The following RUVBL2 variants were observed in gnomAD, a reference collection of about 807,000 sequenced individuals.
RUVBL2 encodes the protein RuvB like AAA ATPase 2, also known as ruvB-like 2.
In RUVBL2, 9 loss-of-function variants were observed where a neutral mutation model predicts 57.9. The observed-to-expected ratio is 0.16, with a 90% CI of 0.09 to 0.27. The LOEUF (loss-of-function observed/expected upper bound fraction) is 0.27, where lower values mean the gene tolerates loss of function less well. Ranked by LOEUF, RUVBL2 falls within the 10% of genes least tolerant of loss-of-function variation. The pLI, the probability that RUVBL2 is intolerant of heterozygous loss-of-function variation, is 1.00. For missense variants in RUVBL2, 456 were observed against 669.6 expected, an observed-to-expected ratio of 0.68 and a Z score of 3.52; for synonymous variants, 278 against 264.6, an observed-to-expected ratio of 1.05 and a Z score of -0.49.
Position 49,010,577 on chromosome 19 carries a change from C to T in RUVBL2, c.753C>T (p.Asn251=). ...CCCTGCACGAGATCGACGTCATCAA[C>T]TCTCGCACCCAGGGCTTCCTGGCGC... The part of the protein sequence containing the change: ...TVSLHEIDVI[N]SRTQGFLALF... Residue 251 remains asparagine, a synonymous_variant, in exon 9 of 15, where the codon AAC becomes AAT. Transcript: ENST00000595090. 6.3e-7 allele frequency: 1 copy of T among 1,586,784 alleles called. No homozygotes were observed. The highest frequency in any genetic ancestry group is 1.1e-5 in the South Asian group (1 of 90,748).
At chr19:49,012,563 T>C (rs533148570) in intron 11 of RUVBL2, among the ~76,000 whole-genome samples, 159 of 152,308 alleles carry the variant, frequency 1.0e-3, no homozygotes, top group Non-Finnish European at 1.9e-3. Context: ...AGACTCTGTA[T>C]CTGAGAATCT....
Position 49,009,765 on chromosome 19 carries a change from C to T in RUVBL2, c.463-11C>T, listed in dbSNP as rs78163914. 0.079 allele frequency: 127,439 copies of T among 1,612,386 alleles called. 5,617 individuals are homozygous for T. Among genetic ancestry groups the T allele is most frequent in the African/African-American group, 0.14 (10,652 of 74,950 alleles). ...CTCTGAGCCCCATCCCTGGCTTGTC[C>T]CCACTCTCAGGGCTCCAAGGTGGGC... is the stretch of plus-strand genomic sequence containing the variant. On this transcript the variant is annotated splice_polypyrimidine_tract_variant and intron_variant, in intron 6 of 14. Transcript: ENST00000595090.
chr19:49,008,012 T>TC (rs2039317860), intron 6 of RUVBL2, among the ~76,000 whole-genome samples: 1 of 148,322 alleles, frequency 6.7e-6, no homozygotes. Flanking sequence ...TGGCCTCTTT[T>TC]TTTTTTTTTT....
Position 49,007,294 on chromosome 19 carries a change from C to G in RUVBL2, c.396-8C>G. 1.2e-6 allele frequency: 2 copies of G among 1,613,548 alleles called. No individual in the cohort carries two copies. Among genetic ancestry groups the G allele is most frequent in the Non-Finnish European group, 8.5e-7 (1 of 1,179,726 alleles). ...CAGGCTGTCTCCTCAGATCTGCTCT[C>G]TGGCTAGGGAGGAGACGGAGATCAT... On this transcript the variant is annotated splice_polypyrimidine_tract_variant and splice_region_variant and intron_variant, in intron 5 of 14. Transcript: ENST00000595090.
Position 49,015,096 on chromosome 19 carries a change from G to C in RUVBL2, c.1197G>C (p.Leu399=). The stretch of plus-strand genomic sequence containing the variant: ...CCCGCATCGGGCTGGAGACGTCACT[G>C]CGCTACGCCATCCAGCTCATCACAG... ...VLTRIGLETS[L]RYAIQLITAA... is the part of the protein sequence containing the mutation. The change falls in exon 13 of 15, where the codon CTG becomes CTC. Residue 399 remains leucine (L), a synonymous_variant. Coordinates refer to ENST00000595090, the MANE Select transcript of RUVBL2 (RefSeq NM_006666.3). 1.2e-6 allele frequency: 2 copies of C among 1,610,040 alleles called. No individual in the cohort carries two copies. Among genetic ancestry groups the C allele is most frequent in the Non-Finnish European group, 1.7e-6 (2 of 1,178,350 alleles).
intron 13 of RUVBL2, 101 bp downstream of exon 13, chr19:49,015,251 T>C: frequency 6.7e-7 from 1 of 1,482,522 alleles, no homozygotes; most frequent in Middle Eastern, 1.9e-4. Context: ...AATGTACGTT[T>C]TCAGACGCAG....
In RUVBL2 at chr19:49,014,712, GGA is replaced by G. The variant is rs2039507421; in HGVS notation, c.1121+115_1121+116del. 30 of 1,446,988 alleles carry G rather than the reference GGA, an allele frequency of 2.1e-5. No homozygotes were observed. The South Asian group carries it at 3.8e-4, about 19-fold the overall frequency. 89.6% of individuals were successfully genotyped at this position (1,446,988 alleles called of 1,614,324 possible). ...GAGTGGCATGGTGGCTGGGCCTACA[GGA>G]GAGAGGGCTGAGCGGGCACCCAGAC... On this transcript the variant is annotated intron_variant, in intron 12 of 14. Coordinates refer to ENST00000595090, the MANE Select transcript of RUVBL2 (RefSeq NM_006666.3).
intron 4 of RUVBL2, among the ~76,000 whole-genome samples, chr19:49,005,970 C>T (rs192193399): frequency 5.9e-5 from 9 of 152,360 alleles, no homozygotes; most frequent in East Asian, 3.9e-4. Context: ...TGCCCGGCCT[C>T]GCCTTTCCTC....
chr19:49,015,402 A>T (rs1167362525), intron 13 of RUVBL2, 170 bp from the exon 14 acceptor site: 1 of 714,034 alleles, frequency 1.4e-6, no homozygotes, highest in Non-Finnish European at 2.3e-6. Context: ...GGCTGGGCCC[A>T]CAACAAGGAG....
At chr19:49,007,472 C>T (rs551400939) in intron 6 of RUVBL2, 104 bp downstream of exon 6, 22 of 1,053,500 alleles carry the variant, frequency 2.1e-5, no homozygotes, top group Middle Eastern at 2.1e-4. Context: ...ATGGAATGTT[C>T]TAGCTGCAGA....
chr19:49,007,651 C>T (rs1042044477), intron 6 of RUVBL2, among the ~76,000 whole-genome samples: 6 of 152,088 alleles, frequency 3.9e-5, no homozygotes, highest in African/African-American at 7.2e-5. Context: ...AAACTCGTTC[C>T]GTGGCCGAAA....
At chr19:49,009,056 G>T (rs988181323) in intron 6 of RUVBL2, among the ~76,000 whole-genome samples, 3 of 148,366 alleles carry the variant, frequency 2.0e-5, no homozygotes, top group African/African-American at 7.5e-5. Flanking sequence ...AGCTACTTGG[G>T]AGGCTGAGGC....
intron 8 of RUVBL2, 21 bp from the exon 9 acceptor site, chr19:49,010,467 T>TCCCGCCC: frequency 1.4e-6 from 2 of 1,401,208 alleles, no homozygotes; most frequent in Non-Finnish European, 2.0e-6. Flanking sequence ...CCGCCGTTCT[T>TCCCGCCC]CCCCCACCCC....
At chr19:49,010,974 C>T in intron 9 of RUVBL2, 25 bp from the exon 10 acceptor site, 1 of 1,600,468 alleles carries the variant, frequency 6.2e-7, no homozygotes, top group Non-Finnish European at 8.5e-7. Context: ...TCTGGCTTCC[C>T]TGATGCAACC....
chr19:48,996,683 G>A (rs956762249), intron 1 of RUVBL2, among the ~76,000 whole-genome samples: 4 of 152,106 alleles, frequency 2.6e-5, no homozygotes, highest in African/African-American at 7.2e-5. Context: ...CTGCCACCAC[G>A]CCTGGCTAAT....
chr19:48,998,301 T>C (rs1044769563), intron 1 of RUVBL2, among the ~76,000 whole-genome samples: 9 of 152,124 alleles, frequency 5.9e-5, no homozygotes, highest in Admixed American at 1.3e-4. Context: ...GGCCGCCTGG[T>C]ACAAGGGATG....
At chr19:49,005,884 C>T (rs11883208) in intron 4 of RUVBL2, among the ~76,000 whole-genome samples, 5 of 152,334 alleles carry the variant, frequency 3.3e-5, no homozygotes, top group Admixed American at 6.5e-5. Flanking sequence ...GATCCACCCC[C>T]CTGCCTCGGC....
Position 49,011,409 on chromosome 19 carries a change from A to C in RUVBL2, c.1001+99A>C. The C allele has an allele frequency of 1.0e-6, 1 of 955,486 alleles. No homozygotes were observed. The highest frequency in any genetic ancestry group is 1.7e-6 in the Non-Finnish European group (1 of 604,830). 59.2% of individuals were successfully genotyped at this position (955,486 alleles called of 1,614,324 possible). A position where few individuals can be genotyped will look rare whatever the true frequency, so the allele number is the denominator to read the frequency against. ...AGCCTGTGTTGACACCGGGTCAGGG[A>C]GGGACGCGTGACTGCAGTGTGCGCT... is the stretch of plus-strand genomic sequence containing the variant. On this transcript the variant is annotated intron_variant, in intron 11 of 14. Transcript: ENST00000595090. The surrounding 1 kb of genome is among the most constrained non-coding windows in gnomAD (Gnocchi z 4.4).
At chr19:49,010,680 T>C (rs895820321) in intron 9 of RUVBL2, 69 bp downstream of exon 9, 8 of 1,593,626 alleles carry the variant, frequency 5.0e-6, no homozygotes, top group Middle Eastern at 1.7e-4. Context: ...GGGCTCCCTC[T>C]GTTCCTGAGC....
Sources: gnomAD v4.1 joint callset for allele counts (sites outside exome capture counted in the v4.1 genomes callset) on GRCh38, gnomAD v4.1.1 for gene constraint, Gnocchi (gnomAD v3.1) non-coding constraint, MANE v1.5 for transcripts, NCBI Gene and HGNC (gene_info 2026-07-23, HGNC 2026-07-21) for gene names.